EPS8: variants seen among roughly 807,000 people sequenced by gnomAD.
EPS8 encodes EGFR pathway substrate 8, signaling adaptor.
In EPS8, 42 loss-of-function variants were observed where a neutral mutation model predicts 103.8. The ratio of observed to expected loss-of-function variants is 0.40; its 90% CI spans 0.32 to 0.52. EPS8 has a LOEUF of 0.52. Ranked by LOEUF, EPS8 falls within the 20% of genes least tolerant of loss-of-function variation. The pLI is 0.40. For synonymous variants in EPS8, 344 were observed against 344.6 expected (o/e 1.00, Z 0.02); for missense variants, 969 against 1,005.1 (o/e 0.96, Z 0.49).
chr12:15,707,417 T>C (rs1444217133), intron 1 of EPS8, among the ~76,000 whole-genome samples: 1 of 152,140 alleles, frequency 6.6e-6, no homozygotes, highest in Non-Finnish European at 1.5e-5. Context: ...ATTCTACCCT[T>C]ACTTTTCCTA....
rs1173309646 is a variant in EPS8, at chr12:15,691,710, C to T, written c.-21-8738G>A. ...GAAGTGAGAATCATATCACAGAGGA[C>T]GAATTACAGATACACCACATTTTTG... On this transcript the variant is annotated intron_variant, in intron 1 of 20. Coordinates refer to ENST00000281172, the MANE Select transcript of EPS8 (RefSeq NM_004447.6). 3.3e-5 allele frequency among the ~76,000 whole-genome samples: 5 copies of T among 152,120 alleles called. No individual in the cohort carries two copies. The South Asian group carries it at 6.2e-4, about 19-fold the overall frequency.
chr12:15,643,390 T>TG lies in EPS8; in HGVS notation c.1569-1561dup, dbSNP rs1263866266. ...GCCCTCTATATGTTAAGCATGGATA[T>TG]GACACTGACCATAGTTATCAAACAG... On this transcript the variant is annotated intron_variant, in intron 15 of 20. Coordinates refer to ENST00000281172, the MANE Select transcript of EPS8 (RefSeq NM_004447.6). 5.9e-5 allele frequency among the ~76,000 whole-genome samples: 9 copies of TG among 152,296 alleles called. No homozygotes were observed. In the East Asian group the frequency reaches 1.2e-3, roughly 20 times the overall value.
chr12:15,627,458 T>C (rs1944969051), intron 18 of EPS8, among the ~76,000 whole-genome samples: 2 of 152,284 alleles, frequency 1.3e-5, no homozygotes, highest in African/African-American at 4.8e-5. Context: ...AATGAGGCAT[T>C]CTGCTGACTT....
Position 15,631,480 on chromosome 12 carries a change from A to C in EPS8, c.2006T>G (p.Val669Gly). 1 of 1,614,042 alleles carries C rather than the reference A, an allele frequency of 6.2e-7. No homozygotes were observed. The highest frequency in any genetic ancestry group is 8.5e-7 in the Non-Finnish European group (1 of 1,179,942). Residue 669 changes from valine (V) to glycine (G), a missense_variant, in exon 18 of 21, where the codon GTG (valine) becomes GGG (glycine). Transcript: ENST00000281172. ...SSSSDSGGSI[V>G]RDSQRHKQLP... ...TTGTTTGTGTCTCTGGCTGTCTCGC[A>C]CGATACTGCCACCACTGTCACTGGA...
intron 1 of EPS8, among the ~76,000 whole-genome samples, chr12:15,737,787 T>G (rs1001221545): frequency 6.6e-6 from 1 of 152,170 alleles, no homozygotes; most frequent in Non-Finnish European, 1.5e-5. Context: ...GTGACTTTTT[T>G]TTAAATATTA....
chr12:15,726,563 A>G (rs1382198381), intron 1 of EPS8, among the ~76,000 whole-genome samples: 2 of 152,218 alleles, frequency 1.3e-5, no homozygotes, highest in African/African-American at 2.4e-5. Context: ...GTGTGGTGAC[A>G]GCAAAAAATG....
At chr12:15,670,438 C>T (rs1208901945) in intron 4 of EPS8, among the ~76,000 whole-genome samples, 1 of 152,022 alleles carries the variant, frequency 6.6e-6, no homozygotes, top group African/African-American at 2.4e-5. Flanking sequence ...AGATAAATTC[C>T]AATCAAGAGC....
chr12:15,681,343 AG>A, intron 2 of EPS8, 41 bp from the exon 3 acceptor site: 1 of 936,550 alleles, frequency 1.1e-6, no homozygotes, highest in South Asian at 3.6e-5. Context: ...TAATATAAAA[AG>A]GTCATTGTGT....
At chr12:15,641,548 A>T (rs1945230076) in intron 16 of EPS8, among the ~76,000 whole-genome samples, 174 bp downstream of exon 16, 1 of 152,078 alleles carries the variant, frequency 6.6e-6, no homozygotes, top group Non-Finnish European at 1.5e-5. Flanking sequence ...AGTATTCTAA[A>T]GCTATCCCCT....
chr12:15,739,509 A>G (rs1192490781), intron 1 of EPS8, among the ~76,000 whole-genome samples: 1 of 152,160 alleles, frequency 6.6e-6, no homozygotes, highest in Non-Finnish European at 1.5e-5. Context: ...TGGAACAAAA[A>G]GGTGGAGGAA....
rs1045904121 is a variant in EPS8 at position 15,702,597 on chromosome 12, C to T, written c.-21-19625G>A. Among the ~76,000 whole-genome samples the T allele has an allele frequency of 2.6e-5, 4 of 151,956 alleles. No homozygotes were observed. The highest frequency in any genetic ancestry group is 9.7e-5 in the African/African-American group (4 of 41,360). ...AAAAAATGCATGCTTAATGTTTTTA[C>T]CTATCTCTAAAACATATATCCAGTA... On this transcript the variant is annotated intron_variant, in intron 1 of 20. Transcript: ENST00000281172. The surrounding 1 kb of genome is among the most constrained non-coding windows in gnomAD (Gnocchi z 5.1).
At chr12:15,643,804 C>T (rs1266599026) in intron 15 of EPS8, among the ~76,000 whole-genome samples, 7 of 144,898 alleles carry the variant, frequency 4.8e-5, no homozygotes, top group South Asian at 2.1e-4. Flanking sequence ...TGTAACAAAA[C>T]GTATGGGCTC....
At chr12:15,720,841 C>A (rs1020572634) in intron 1 of EPS8, among the ~76,000 whole-genome samples, 4 of 152,168 alleles carry the variant, frequency 2.6e-5, no homozygotes, top group Non-Finnish European at 5.9e-5. Flanking sequence ...CTTAGCAATT[C>A]TCATCCTTTA....
rs190989127 is a variant in EPS8 at position 15,688,432 on chromosome 12, A to G, written c.-21-5460T>C. 1.7e-3 allele frequency among the ~76,000 whole-genome samples: 260 copies of G among 152,256 alleles called. 2 individuals carry two copies. Among genetic ancestry groups the G allele is most frequent in the African/African-American group, 4.6e-3 (190 of 41,540 alleles). ...CCCATGGACCTAGATGAGGACAGGC[A>G]TTTTTGTTTTCCTGCCCAAATGTTG... On this transcript the variant is annotated intron_variant, in intron 1 of 20. Coordinates refer to ENST00000281172, the MANE Select transcript of EPS8 (RefSeq NM_004447.6). This position sits in a 1 kb window ranked among gnomAD's most constrained non-coding sequence, Gnocchi z 5.1.
In EPS8 at chr12:15,692,988, G is replaced by A. The variant is rs542471056; in HGVS notation, c.-21-10016C>T. Reference sequence around the variant, plus strand: ...TCTTTATGACAATTTCCTTGTTTTCGCTAGGTTTGTTTTGGCTTCTGAATT... The same window carrying A: ...TCTTTATGACAATTTCCTTGTTTTCACTAGGTTTGTTTTGGCTTCTGAATT... On this transcript the variant is annotated intron_variant, in intron 1 of 20. Coordinates refer to ENST00000281172, the MANE Select transcript of EPS8 (RefSeq NM_004447.6). Among the ~76,000 whole-genome samples the A allele has an allele frequency of 3.1e-4, 47 of 151,656 alleles. 2 individuals carry two copies. Among genetic ancestry groups the A allele is most frequent in the Admixed American group, 2.5e-3 (38 of 15,224 alleles).
At chr12:15,653,580 T>G (rs1429619046) in intron 13 of EPS8, among the ~76,000 whole-genome samples, 1 of 152,160 alleles carries the variant, frequency 6.6e-6, no homozygotes, top group Admixed American at 6.5e-5. Flanking sequence ...TATGGAACTG[T>G]GGAAATCCTA....
Position 15,708,147 on chromosome 12 carries a change from A to G in EPS8, c.-21-25175T>C, listed in dbSNP as rs138902946. Among the ~76,000 whole-genome samples, 402 of 152,344 alleles carry G rather than the reference A, an allele frequency of 2.6e-3. 1 individual carries two copies. Among genetic ancestry groups the G allele is most frequent in the Middle Eastern group, 0.01 (3 of 294 alleles). On this transcript the variant is annotated intron_variant, in intron 1 of 20. Coordinates refer to ENST00000281172, the MANE Select transcript of EPS8 (RefSeq NM_004447.6). ...AGTGAAAGCTACTTATCTGTAATCT[A>G]CAAAGTAAGAGAACACTAAGATCTA...
intron 1 of EPS8, among the ~76,000 whole-genome samples, chr12:15,686,460 A>C (rs73315056): frequency 0.067 from 10,162 of 152,176 alleles, 1,152 homozygotes; most frequent in African/African-American, 0.23. Context: ...TTCCTTATGA[A>C]AACACTTTTA....
chr12:15,766,698 A>C (rs989430747), intron 1 of EPS8, among the ~76,000 whole-genome samples: 6 of 151,916 alleles, frequency 3.9e-5, no homozygotes, highest in Non-Finnish European at 8.8e-5. Flanking sequence ...AAAAAAGGAA[A>C]GTTTTAAGAA....
Sources: allele counts gnomAD v4.1 joint callset (sites outside exome capture counted in the v4.1 genomes callset), GRCh38; gene constraint gnomAD v4.1.1; non-coding constraint Gnocchi (gnomAD v3.1); transcripts MANE v1.5; gene names NCBI Gene and HGNC (gene_info 2026-07-23, HGNC 2026-07-21).